The following PTPRF variants were observed in gnomAD, a reference collection of about 807,000 sequenced individuals.
PTPRF encodes receptor-type tyrosine-protein phosphatase F.
A neutral mutation model predicts 201.8 loss-of-function variants in PTPRF; 59 were observed. The ratio of observed to expected loss-of-function variants is 0.29; its 90% CI spans 0.24 to 0.36. PTPRF has a LOEUF of 0.36. Among genes scored for constraint, PTPRF ranks in the 10% least tolerant of loss-of-function variants. The pLI, the probability that PTPRF is intolerant of heterozygous loss-of-function variation, is 1.00. For synonymous variants in PTPRF, 1,088 were observed against 1,089.7 expected, an observed-to-expected ratio of 1.00 and a Z score of 0.03; for missense variants, 2,132 against 2,690.5, an observed-to-expected ratio of 0.79 and a Z score of 4.59.
At chr1:43,522,995 G>T (rs943409435), upstream of PTPRF, among the ~76,000 whole-genome samples, 1 of 152,220 alleles carries the variant, frequency 6.6e-6, no homozygotes, top group Non-Finnish European at 1.5e-5. Flanking sequence ...GTGAGGAGGC[G>T]CTGCAGAGGT....
Position 43,619,137 on chromosome 1 carries a change from G to A in PTPRF, c.4581G>A (p.Leu1527=). The change falls in exon 27 of 34, where the codon CTG becomes CTA. Residue 1527 remains leucine (L), a synonymous_variant. Transcript: ENST00000359947. The part of the protein sequence containing the change: ...HGVPEYPTPI[L]AFLRRVKACN... ...TTCCTGAGTACCCAACTCCCATCCT[G>A]GCCTTCCTACGACGGGTCAAGGCCT... 6.2e-7 allele frequency: 1 copy of A among 1,613,850 alleles called. No homozygotes were observed. Among genetic ancestry groups the A allele is most frequent in the Non-Finnish European group, 8.5e-7 (1 of 1,179,942 alleles).
At chr1:43,538,505 G>A (rs1478815546) in intron 2 of PTPRF, among the ~76,000 whole-genome samples, 1 of 152,212 alleles carries the variant, frequency 6.6e-6, no homozygotes, top group Non-Finnish European at 1.5e-5. Flanking sequence ...GGGAGGTAGA[G>A]TAGACAGGAC....
chr1:43,585,354 TC>T (rs763066123), intron 7 of PTPRF, among the ~76,000 whole-genome samples: 4 of 152,090 alleles, frequency 2.6e-5, no homozygotes, highest in Non-Finnish European at 5.9e-5. Context: ...CTTGCCTGTT[TC>T]CCCCACCCTT....
At chr1:43,544,971 T>C in intron 2 of PTPRF, 60 bp from the exon 3 acceptor site, 1 of 968,600 alleles carries the variant, frequency 1.0e-6, no homozygotes, top group Non-Finnish European at 1.5e-6. Context: ...GCGTCAGGGG[T>C]GGGCATTAGG....
At chr1:43,522,322 A>G (rs1642978429), upstream of PTPRF, among the ~76,000 whole-genome samples, 1 of 152,162 alleles carries the variant, frequency 6.6e-6, no homozygotes, top group Admixed American at 6.5e-5. Flanking sequence ...AGAGGAAATG[A>G]GTGAAAGAGT....
intron 19 of PTPRF, 30 bp from the exon 20 acceptor site, chr1:43,606,210 C>T (rs749761927): frequency 5.0e-6 from 8 of 1,595,822 alleles, no homozygotes; most frequent in African/African-American, 2.7e-5. Context: ...CTCCAAGGCC[C>T]CTCATGACCC....
At position 43,545,011 on chromosome 1, in the gene PTPRF, T is replaced by C. The variant is rs1450029246; in HGVS notation, c.-45-20T>C. ...GCAGTAAATACCAGCTAACTGGCTC[T>C]GCCCTTCTCTCCATTACAGGTTGAT... On this transcript the variant is annotated intron_variant, in intron 2 of 33. Transcript: ENST00000359947. The C allele has an allele frequency of 4.2e-6, 6 of 1,414,706 alleles. No homozygotes were observed. Among genetic ancestry groups the C allele is most frequent in the Non-Finnish European group, 4.8e-6 (5 of 1,037,670 alleles). The allele number at this position is 1,414,706 out of a possible 1,614,324, so 87.6% of individuals were successfully genotyped here. A position where few individuals can be genotyped will look rare whatever the true frequency, so the allele number is the denominator to read the frequency against.
At position 43,606,447 on chromosome 1, in the gene PTPRF, C is replaced by G. The variant is rs1209338659; in HGVS notation, c.3691C>G (p.Pro1231Ala). The change falls in exon 20 of 34, where the codon CCC (proline) becomes GCC (alanine). Residue 1231 changes from proline (P) to alanine (A), a missense_variant. Pro to Ala is a conservative substitution (Grantham distance 27). Around this residue, in one of 6 missense-constraint regions of PTPRF, gnomAD observed 818 missense variants for 915.3 expected, o/e 0.89. Transcript: ENST00000359947. Reference sequence around the variant, plus strand: ...CTTTGTGCTTGCCTCCTTGAAGGAACCCATGGACCAGGTCTGCCTGAGCCG... The same window carrying G: ...CTTTGTGCTTGCCTCCTTGAAGGAAGCCATGGACCAGGTCTGCCTGAGCCG... ...QCFVLASLKE[P>A]MDQKRYASSP... 6.2e-7 allele frequency: 1 copy of G among 1,613,368 alleles called. No homozygotes were observed. The highest frequency in any genetic ancestry group is 1.3e-5 in the African/African-American group (1 of 75,026).
In PTPRF at chr1:43,620,441, C is replaced by G. The variant is rs1658938342; in HGVS notation, c.5239-13C>G. 2 of 1,607,102 alleles carry G rather than the reference C, an allele frequency of 1.2e-6. No individual in the cohort carries two copies. Among genetic ancestry groups the G allele is most frequent in the East Asian group, 4.5e-5 (2 of 44,818 alleles). On this transcript the variant is annotated splice_polypyrimidine_tract_variant and intron_variant, in intron 30 of 33. Coordinates refer to ENST00000359947, the MANE Select transcript of PTPRF (RefSeq NM_002840.5). ...TCTCACCTGATTATGGGGGCCCGAC[C>G]CTCTGTCCACAGGAGAAATGCCACC...
Position 43,602,096 on chromosome 1 carries a change from A to G in PTPRF, c.2339A>G (p.Tyr780Cys). The change falls in exon 14 of 34, where the codon TAT (tyrosine) becomes TGT (cysteine). Residue 780 changes from tyrosine (Y) to cysteine (C), a missense_variant and splice_region_variant. Transcript: ENST00000359947. ...TGGCGGCCAGAGGAGTCCGAGGACTATGTAAGTAACAGGTGTGCGAACGCG... is the reference window on the plus strand; with the variant it reads ...TGGCGGCCAGAGGAGTCCGAGGACTGTGTAAGTAACAGGTGTGCGAACGCG... The part of the protein sequence containing the change: ...AQWRPEESED[Y>C]ETTISGLTPE... 1 of 1,613,336 alleles carries G rather than the reference A, an allele frequency of 6.2e-7. No homozygotes were observed. The highest frequency in any genetic ancestry group is 8.5e-7 in the Non-Finnish European group (1 of 1,179,286).
At chr1:43,580,467 G>T (rs975554533) in intron 7 of PTPRF, among the ~76,000 whole-genome samples, 1 of 152,218 alleles carries the variant, frequency 6.6e-6, no homozygotes, top group Non-Finnish European at 1.5e-5. Context: ...ATGAGAGTTG[G>T]GGGCATGGGA....
intron 22 of PTPRF, 43 bp downstream of exon 22, chr1:43,609,541 G>A: frequency 6.6e-7 from 1 of 1,507,652 alleles, no homozygotes; most frequent in Non-Finnish European, 9.2e-7. Context: ...CCCAGACCTA[G>A]CAGGCCTGTG....
chr1:43,604,832 C>A, intron 16 of PTPRF, 71 bp from the exon 17 acceptor site: 1 of 1,328,836 alleles, frequency 7.5e-7, no homozygotes. Context: ...GGCCATTCAC[C>A]TTCCACCCTT....
chr1:43,594,984 C>T (rs774556664), intron 11 of PTPRF, among the ~76,000 whole-genome samples: 4 of 152,138 alleles, frequency 2.6e-5, no homozygotes, highest in African/African-American at 4.8e-5. Flanking sequence ...GCTGAGCGGT[C>T]AGGAGTACCT....
upstream of PTPRF, among the ~76,000 whole-genome samples, chr1:43,527,519 T>C (rs370552078): frequency 6.6e-6 from 1 of 152,228 alleles, no homozygotes; most frequent in East Asian, 1.9e-4. Flanking sequence ...TCTCTTGCCC[T>C]GCCTCGACAA....
chr1:43,546,395 G>A lies in PTPRF; in HGVS notation c.91+1229G>A, dbSNP rs1008569567. 1.3e-5 allele frequency among the ~76,000 whole-genome samples: 2 copies of A among 152,112 alleles called. No homozygotes were observed. Among genetic ancestry groups the A allele is most frequent in the African/African-American group, 4.8e-5 (2 of 41,408 alleles). On this transcript the variant is annotated intron_variant, in intron 3 of 33. Coordinates refer to ENST00000359947, the MANE Select transcript of PTPRF (RefSeq NM_002840.5). This position sits in a 1 kb window ranked among gnomAD's most constrained non-coding sequence, Gnocchi z 4.2. ...GTGAGAGCAAGGAAAAAAGACAGGTGGGGAATCACATGGGGAAGTGGGGCA... is the reference window on the plus strand; with the variant it reads ...GTGAGAGCAAGGAAAAAAGACAGGTAGGGAATCACATGGGGAAGTGGGGCA...
At chr1:43,547,367 T>C (rs77631924) in intron 3 of PTPRF, among the ~76,000 whole-genome samples, 2,381 of 152,324 alleles carry the variant, frequency 0.016, 71 homozygotes, top group African/African-American at 0.055. Context: ...TCCTGCCTTC[T>C]TCAGGTAGGG....
At chr1:43,536,945 G>C (rs1284600189) in intron 1 of PTPRF, among the ~76,000 whole-genome samples, 1 of 152,206 alleles carries the variant, frequency 6.6e-6, no homozygotes, top group African/African-American at 2.4e-5. Flanking sequence ...GCAGAGGTGT[G>C]TCCTTGATTT....
rs972172363 is a variant in PTPRF at position 43,621,915 on chromosome 1, C to T, written c.5656-20C>T. On this transcript the variant is annotated intron_variant, in intron 33 of 33. Coordinates refer to ENST00000359947, the MANE Select transcript of PTPRF (RefSeq NM_002840.5). ...TGTCCACTGGCGCGACCCACACTGA[C>T]CAGCCCCCTATCCTGGCAGGACCAG... is the stretch of plus-strand genomic sequence containing the variant. 23 of 1,613,644 alleles carry T rather than the reference C, an allele frequency of 1.4e-5. No individual in the cohort carries two copies. In the Admixed American group the frequency reaches 3.0e-4, roughly 21 times the overall value.
Sources: allele counts gnomAD v4.1 joint callset (sites outside exome capture counted in the v4.1 genomes callset), GRCh38; gene constraint gnomAD v4.1.1; regional missense constraint gnomAD v4.1.1; non-coding constraint Gnocchi (gnomAD v3.1); transcripts MANE v1.5; gene names NCBI Gene and HGNC (gene_info 2026-07-23, HGNC 2026-07-21).